Variants in ADGRA3 observed in about 807,000 individuals in gnomAD.
ADGRA3 encodes adhesion G protein-coupled receptor A3, also known as G-protein coupled receptor 125.
A neutral mutation model predicts 119.8 loss-of-function variants in ADGRA3; 56 were observed. That is an observed-to-expected ratio of 0.47 (90% CI 0.38 to 0.58). The LOEUF is 0.58. Among genes scored for constraint, ADGRA3 ranks in the 20% least tolerant of loss-of-function variants. The pLI is 0.00. For synonymous variants in ADGRA3, 607 were observed against 623.8 expected, an observed-to-expected ratio of 0.97 and a Z score of 0.40; for missense variants, 1,516 against 1,649.0, an observed-to-expected ratio of 0.92 and a Z score of 1.40.
intron 7 of ADGRA3, among the ~76,000 whole-genome samples, chr4:22,440,498 G>T (rs1341899714): frequency 4.6e-5 from 7 of 152,078 alleles, no homozygotes; most frequent in Admixed American, 3.9e-4. Context: ...TCTAGGTAAA[G>T]AACTGTCTCA....
chr4:22,432,713 C>T (rs11940612), intron 10 of ADGRA3, among the ~76,000 whole-genome samples: 101,371 of 151,930 alleles, frequency 0.67, 34,577 homozygotes, highest in Non-Finnish European at 0.74. Context: ...ACAAGACAAC[C>T]TTTAACTGTT....
At chr4:22,478,041 G>C (rs546962931) in intron 1 of ADGRA3, 1 of 152,106 alleles carries the variant, frequency 6.6e-6, no homozygotes, top group Admixed American at 6.5e-5. Flanking sequence ...AAACTTGAGC[G>C]AAGTCATAAA....
chr4:22,481,821 T>G (rs556903803), intron 1 of ADGRA3, among the ~76,000 whole-genome samples: 18 of 152,222 alleles, frequency 1.2e-4, no homozygotes, highest in Non-Finnish European at 2.5e-4. Flanking sequence ...TGCCAACTTC[T>G]GTTTTACTCT....
rs769031777 is a variant in ADGRA3 at position 22,484,753 on chromosome 4, C to T, written c.258-10910G>A. ...ACTGGGTGGGAAAAAAATATGTACA[C>T]GTTTAGAGAAACCAGCTCTTAAGAA... On this transcript the variant is annotated intron_variant, in intron 1 of 18. Transcript: ENST00000334304. 3.3e-5 allele frequency among the ~76,000 whole-genome samples: 5 copies of T among 152,192 alleles called. No homozygotes were observed. The East Asian group carries it at 5.8e-4, about 18-fold the overall frequency.
At chr4:22,422,197 T>C (rs191346565) in intron 11 of ADGRA3, among the ~76,000 whole-genome samples, 4 of 152,302 alleles carry the variant, frequency 2.6e-5, no homozygotes, top group Admixed American at 6.5e-5. Flanking sequence ...GATGATTAAG[T>C]ATATGCCTAT....
rs2109080959 is a variant in ADGRA3 at position 22,447,602 on chromosome 4, A to G, written c.474-91T>C. The G allele has an allele frequency of 5.4e-6, 4 of 739,948 alleles. 1 individual carries two copies. In the South Asian group the frequency reaches 6.4e-5, roughly 12 times the overall value. 45.8% of individuals were successfully genotyped at this position (739,948 alleles called of 1,614,324 possible). ...TTTTCTAAAGCATCCTACAGTCATT[A>G]AATAATGTTGTAAAGAACTCATGAA... On this transcript the variant is annotated intron_variant, in intron 4 of 18. Transcript: ENST00000334304.
At chr4:22,504,913 G>C (rs562244296) in intron 1 of ADGRA3, among the ~76,000 whole-genome samples, 1 of 152,206 alleles carries the variant, frequency 6.6e-6, no homozygotes, top group South Asian at 2.1e-4. Flanking sequence ...GAAGTCTGTG[G>C]TCCAAGCATC....
intron 1 of ADGRA3, among the ~76,000 whole-genome samples, chr4:22,477,078 G>A (rs1016080394): frequency 1.3e-5 from 2 of 151,832 alleles, no homozygotes; most frequent in African/African-American, 4.8e-5. Flanking sequence ...AATCTTAATT[G>A]CTAAGTACAG....
At chr4:22,414,792 T>G (rs937140157) in intron 12 of ADGRA3, among the ~76,000 whole-genome samples, 2 of 152,060 alleles carry the variant, frequency 1.3e-5, no homozygotes, top group Non-Finnish European at 2.9e-5. Flanking sequence ...CAATTTAAGT[T>G]CTCCTATATT....
intron 1 of ADGRA3, among the ~76,000 whole-genome samples, chr4:22,502,999 A>G (rs1463512288): frequency 1.3e-5 from 2 of 152,080 alleles, no homozygotes; most frequent in Non-Finnish European, 2.9e-5. Flanking sequence ...AAATATGGCC[A>G]TCAAGAGTCT....
chr4:22,444,144 G>A (rs1053042863), intron 6 of ADGRA3, among the ~76,000 whole-genome samples: 1 of 152,032 alleles, frequency 6.6e-6, no homozygotes, highest in African/African-American at 2.4e-5. Context: ...TCACTGAATG[G>A]ATATGTCACA....
At chr4:22,440,021 A>G (rs1170970587) in intron 7 of ADGRA3, among the ~76,000 whole-genome samples, 2 of 152,186 alleles carry the variant, frequency 1.3e-5, no homozygotes, top group Admixed American at 1.3e-4. Context: ...TCTTAATGAG[A>G]TATGTGTGCC....
intron 10 of ADGRA3, among the ~76,000 whole-genome samples, chr4:22,434,223 G>A (rs1716305017): frequency 6.8e-6 from 1 of 148,014 alleles, no homozygotes; most frequent in Non-Finnish European, 1.5e-5. Context: ...GAATATATAT[G>A]TGATATATAA....
chr4:22,436,167 T>C (rs1233846430), intron 9 of ADGRA3, among the ~76,000 whole-genome samples: 1 of 151,986 alleles, frequency 6.6e-6, no homozygotes, highest in Non-Finnish European at 1.5e-5. Flanking sequence ...ACTCGAAGGA[T>C]GGTTAGGATT....
chr4:22,490,702 G>C (rs1718592312), intron 1 of ADGRA3, among the ~76,000 whole-genome samples: 1 of 152,108 alleles, frequency 6.6e-6, no homozygotes. Flanking sequence ...AAACATTTCT[G>C]AACTTTGCTG....
intron 17 of ADGRA3, 142 bp downstream of exon 17, chr4:22,392,403 G>A (rs961144093): frequency 6.8e-6 from 6 of 885,136 alleles, no homozygotes; most frequent in Non-Finnish European, 1.1e-5. Flanking sequence ...AAGGATGCCT[G>A]AGCCATTTTC....
At chr4:22,414,020 A>C in intron 12 of ADGRA3, 1 of 428,868 alleles carries the variant, frequency 2.3e-6, no homozygotes, top group Non-Finnish European at 4.1e-6. Context: ...ATAAAACAGA[A>C]ATGCAAACTT....
chr4:22,462,321 T>G (rs1717495259), intron 2 of ADGRA3, among the ~76,000 whole-genome samples: 1 of 152,108 alleles, frequency 6.6e-6, no homozygotes, highest in Non-Finnish European at 1.5e-5. Context: ...TTGTTGTTGT[T>G]GTTGTCATTT....
chr4:22,484,053 T>C (rs1456675754), intron 1 of ADGRA3, among the ~76,000 whole-genome samples: 1 of 152,120 alleles, frequency 6.6e-6, no homozygotes, highest in African/African-American at 2.4e-5. Flanking sequence ...GCATCCAAAT[T>C]ATATTATCAC....
Sources: gnomAD v4.1 joint callset for allele counts (sites outside exome capture counted in the v4.1 genomes callset) on GRCh38, gnomAD v4.1.1 for gene constraint, MANE v1.5 for transcripts, NCBI Gene and HGNC (gene_info 2026-07-23, HGNC 2026-07-21) for gene names.